The following CCDC85A variants were observed in gnomAD, a reference collection of about 807,000 sequenced individuals.
CCDC85A encodes coiled-coil domain containing 85A.
In CCDC85A, 38 loss-of-function variants were observed where a neutral mutation model predicts 50.2. That is an observed-to-expected ratio of 0.76 (90% CI 0.58 to 0.99). The LOEUF (loss-of-function observed/expected upper bound fraction) is 0.99. Among genes scored for constraint, CCDC85A ranks in the 50% least tolerant of loss-of-function variants. The pLI, the probability that CCDC85A is intolerant of heterozygous loss-of-function variation, is 0.00. For synonymous variants in CCDC85A, 366 were observed against 301.4 expected, an observed-to-expected ratio of 1.21 and a Z score of -2.22; for missense variants, 820 against 742.0, an observed-to-expected ratio of 1.11 and a Z score of -1.22.
chr2:56,264,082 G>A (rs537977450), intron 2 of CCDC85A, among the ~76,000 whole-genome samples: 1 of 152,188 alleles, frequency 6.6e-6, no homozygotes, highest in Non-Finnish European at 1.5e-5. Flanking sequence ...ATGCAAAGCT[G>A]TTCAGGGCTG....
At chr2:56,332,683 T>C (rs1176126714) in intron 2 of CCDC85A, among the ~76,000 whole-genome samples, 3 of 114,248 alleles carry the variant, frequency 2.6e-5, no homozygotes, top group African/African-American at 6.6e-5. Flanking sequence ...CTGCCCCCCC[T>C]TTTCCCCCCT....
intron 3 of CCDC85A, among the ~76,000 whole-genome samples, chr2:56,344,400 A>G (rs570828368): frequency 6.6e-6 from 1 of 152,324 alleles, no homozygotes; most frequent in African/African-American, 2.4e-5. Flanking sequence ...GGAGCAGGAC[A>G]GCATGAGATT....
chr2:56,365,056 G>A (rs1675723319), intron 3 of CCDC85A, among the ~76,000 whole-genome samples: 9 of 152,128 alleles, frequency 5.9e-5, no homozygotes, highest in Admixed American at 5.9e-4. Flanking sequence ...TGCATGTCAT[G>A]TTGGACTCAG....
At chr2:56,228,920 A>G (rs1668660693) in intron 2 of CCDC85A, among the ~76,000 whole-genome samples, 3 of 152,218 alleles carry the variant, frequency 2.0e-5, no homozygotes, top group South Asian at 2.1e-4. Context: ...CTAAACTTCC[A>G]TTTATTGGAC....
intron 2 of CCDC85A, among the ~76,000 whole-genome samples, chr2:56,321,136 T>C (rs904011317): frequency 1.3e-5 from 2 of 152,156 alleles, no homozygotes; most frequent in African/African-American, 4.8e-5. Context: ...TGATGGGATG[T>C]ATCTCAAAAT....
At position 56,307,338 on chromosome 2, in the gene CCDC85A, A is replaced by T. The variant is rs573985686; in HGVS notation, c.1241-35541A>T. 4.6e-4 allele frequency among the ~76,000 whole-genome samples: 67 copies of T among 146,062 alleles called. 1 individual carries two copies. The highest frequency in any genetic ancestry group is 4.2e-3 in the South Asian group (20 of 4,796). ...AGAAATTATCATATATGCTTTTTTT[A>T]AAAAAAAACTGTGTTCAAGTCCCAG... On this transcript the variant is annotated intron_variant, in intron 2 of 5. Transcript: ENST00000407595.
chr2:56,377,015 G>A (rs887034514), intron 5 of CCDC85A, among the ~76,000 whole-genome samples: 14 of 152,328 alleles, frequency 9.2e-5, no homozygotes, highest in East Asian at 1.9e-4. Flanking sequence ...AGATGATGAA[G>A]TTTTAGCAGA....
chr2:56,345,371 A>G (rs1180076184), intron 3 of CCDC85A, among the ~76,000 whole-genome samples: 1 of 152,220 alleles, frequency 6.6e-6, no homozygotes, highest in East Asian at 1.9e-4. Context: ...TGGGAAAACA[A>G]TGTTTTAGTT....
At chr2:56,228,324 T>TATAATAATAATA (rs36058795) in intron 2 of CCDC85A, among the ~76,000 whole-genome samples, 8 of 148,018 alleles carry the variant, frequency 5.4e-5, no homozygotes, top group East Asian at 2.0e-4. Flanking sequence ...AAACTTAAAG[T>TATAATAATAATA]ATAATAATAA....
At chr2:56,320,279 A>T (rs1673113672) in intron 2 of CCDC85A, among the ~76,000 whole-genome samples, 1 of 152,118 alleles carries the variant, frequency 6.6e-6, no homozygotes, top group Non-Finnish European at 1.5e-5. Context: ...GGCAAGACAT[A>T]ACTAAGATCA....
At chr2:56,217,160 C>G (rs1011748848) in intron 2 of CCDC85A, among the ~76,000 whole-genome samples, 4 of 152,034 alleles carry the variant, frequency 2.6e-5, no homozygotes, top group Middle Eastern at 3.4e-3. Flanking sequence ...TTATCTATCT[C>G]TCCCATGATA....
chr2:56,190,500 TTTC>T (rs1400251402), intron 1 of CCDC85A, among the ~76,000 whole-genome samples: 1 of 152,194 alleles, frequency 6.6e-6, no homozygotes, highest in African/African-American at 2.4e-5. Context: ...TACTCACACA[TTTC>T]TTCTTACAAA....
intron 2 of CCDC85A, among the ~76,000 whole-genome samples, chr2:56,300,287 A>G (rs1040860908): frequency 1.3e-5 from 2 of 152,248 alleles, no homozygotes; most frequent in African/African-American, 4.8e-5. Flanking sequence ...TGTATCATGC[A>G]AAGTAGGTCT....
At chr2:56,190,116 T>C (rs569075506) in intron 1 of CCDC85A, among the ~76,000 whole-genome samples, 2 of 152,344 alleles carry the variant, frequency 1.3e-5, no homozygotes, top group Admixed American at 1.3e-4. Flanking sequence ...ATTTGTTTTT[T>C]AGTCTATGTT....
At chr2:56,273,996 A>T (rs985037036) in intron 2 of CCDC85A, among the ~76,000 whole-genome samples, 1 of 152,210 alleles carries the variant, frequency 6.6e-6, no homozygotes, top group Non-Finnish European at 1.5e-5. Flanking sequence ...ACTAAACATG[A>T]TCAAAGTAGA....
At chr2:56,254,071 CATATACAT>C (rs1558607803) in intron 2 of CCDC85A, among the ~76,000 whole-genome samples, 1 of 152,134 alleles carries the variant, frequency 6.6e-6, no homozygotes, top group African/African-American at 2.4e-5. Context: ...CACATATACA[CATATACAT>C]ATATGTGCAC....
rs181354323 is a variant in CCDC85A at position 56,246,407 on chromosome 2, G to A, written c.1240+52967G>A. 3.3e-5 allele frequency among the ~76,000 whole-genome samples: 5 copies of A among 151,716 alleles called. No individual in the cohort carries two copies. The East Asian group carries it at 9.7e-4, about 29-fold the overall frequency. ...TGAAATCCAGTTTTTATTTGCTTAT[G>A]CTTTTGGTGTCATATCTAAAAAAAA... On this transcript the variant is annotated intron_variant, in intron 2 of 5. Coordinates refer to ENST00000407595, the MANE Select transcript of CCDC85A (RefSeq NM_001080433.2).
At chr2:56,336,793 G>C (rs1210585743) in intron 2 of CCDC85A, among the ~76,000 whole-genome samples, 1 of 152,112 alleles carries the variant, frequency 6.6e-6, no homozygotes, top group African/African-American at 2.4e-5. Context: ...ATGCATTGCA[G>C]GTTAGCTGAA....
rs1414942213 is a variant in CCDC85A at position 56,184,463 on chromosome 2, A to C, written c.-162A>C. 1.8e-5 allele frequency: 14 copies of C among 762,868 alleles called. No homozygotes were observed. Among genetic ancestry groups the C allele is most frequent in the Non-Finnish European group, 2.3e-5 (13 of 568,798 alleles). 47.3% of individuals were successfully genotyped at this position (762,868 alleles called of 1,614,324 possible). ...GCGGGGATGGCGAGGTAGGATGGCC[A>C]CCCAGCGCGACCCCCGCCGCCCCAA... On this transcript the variant is annotated 5_prime_UTR_variant, in exon 1 of 6. Coordinates refer to ENST00000407595, the MANE Select transcript of CCDC85A (RefSeq NM_001080433.2).
Sources: allele counts gnomAD v4.1 joint callset (sites outside exome capture counted in the v4.1 genomes callset), GRCh38; gene constraint gnomAD v4.1.1; transcripts MANE v1.5; gene names NCBI Gene and HGNC (gene_info 2026-07-23, HGNC 2026-07-21).